The following USP28 variants were observed in gnomAD, a reference collection of about 807,000 sequenced individuals.
The protein encoded by USP28 is ubiquitin specific peptidase 28, also known as ubiquitin carboxyl-terminal hydrolase 28.
In USP28, 113 loss-of-function variants were observed where a neutral mutation model predicts 145.0. The observed-to-expected ratio is 0.78, with a 90% confidence interval of 0.67 to 0.91. The LOEUF (loss-of-function observed/expected upper bound fraction) is 0.91, where lower values mean the gene tolerates loss of function less well. Ranked by LOEUF, USP28 falls within the 40% of genes least tolerant of loss-of-function variation. The probability of loss-of-function intolerance (pLI) is 0.00; values close to 1 mark genes in which losing one functional copy is unlikely to be tolerated. For synonymous variants in USP28, 447 were observed against 450.9 expected (o/e 0.99, Z 0.11); for missense variants, 1,201 against 1,289.6 (o/e 0.93, Z 1.05).
At chr11:113,873,738 T>C (rs1412208306) in intron 1 of USP28, among the ~76,000 whole-genome samples, 1 of 142,274 alleles carries the variant, frequency 7.0e-6, no homozygotes, top group Non-Finnish European at 1.5e-5. Flanking sequence ...TCTTGACACA[T>C]TTCAATAGGC....
At chr11:113,869,175 A>C (rs963731622) in intron 1 of USP28, among the ~76,000 whole-genome samples, 5 of 152,018 alleles carry the variant, frequency 3.3e-5, no homozygotes, top group Non-Finnish European at 5.9e-5. Context: ...GCTCACGCCT[A>C]TAATCCCAGC....
chr11:113,814,004 A>G lies in USP28; in HGVS notation c.1673-49T>C, dbSNP rs1470617610. ...AGCTTCACTAAAATGATCTCATTCT[A>G]TGTCACACAGGCTACTTTAACTAAG... On this transcript the variant is annotated intron_variant, in intron 14 of 24. Transcript: ENST00000003302. The G allele has an allele frequency of 2.1e-6, 3 of 1,403,386 alleles. No individual in the cohort carries two copies. The South Asian group carries it at 3.7e-5, about 17-fold the overall frequency. The allele number at this position is 1,403,386 out of a possible 1,614,324, so 86.9% of individuals were successfully genotyped here. A position where few individuals can be genotyped will look rare whatever the true frequency, so the allele number is the denominator to read the frequency against.
At chr11:113,825,676 A>G (rs1187423543) in intron 11 of USP28, among the ~76,000 whole-genome samples, 11 of 152,270 alleles carry the variant, frequency 7.2e-5, no homozygotes, top group Non-Finnish European at 1.5e-4. Context: ...CAAATTACTT[A>G]TATATGAACA....
At chr11:113,853,962 C>T (rs769415981) in intron 2 of USP28, among the ~76,000 whole-genome samples, 6 of 151,834 alleles carry the variant, frequency 4.0e-5, no homozygotes, top group Non-Finnish European at 8.8e-5. Context: ...TTCAAACTTC[C>T]CTGACTCAAA....
intron 12 of USP28, among the ~76,000 whole-genome samples, chr11:113,818,930 T>G (rs73552957): frequency 0.016 from 2,493 of 151,402 alleles, 65 homozygotes; most frequent in African/African-American, 0.057. Flanking sequence ...TTCATGTTCA[T>G]CTACTGAATT....
intron 8 of USP28, among the ~76,000 whole-genome samples, chr11:113,831,437 T>G (rs1194245542): frequency 6.6e-6 from 1 of 152,194 alleles, no homozygotes; most frequent in African/African-American, 2.4e-5. Flanking sequence ...TTACAATGCT[T>G]CTACCTAGAA....
intron 23 of USP28, among the ~76,000 whole-genome samples, 166 bp downstream of exon 24, chr11:113,802,992 G>A (rs982695253): frequency 6.6e-6 from 1 of 151,952 alleles, no homozygotes; most frequent in Non-Finnish European, 1.5e-5. Context: ...TTCACTAAAA[G>A]TAACTGAAAA....
At chr11:113,873,503 T>C (rs2137273659) in intron 1 of USP28, among the ~76,000 whole-genome samples, 1 of 152,282 alleles carries the variant, frequency 6.6e-6, no homozygotes, top group South Asian at 2.1e-4. Context: ...AATGCTGAAA[T>C]AGGGTCACTA....
At chr11:113,839,254 T>C (rs556381508) in intron 5 of USP28, among the ~76,000 whole-genome samples, 44 of 152,296 alleles carry the variant, frequency 2.9e-4, no homozygotes, top group African/African-American at 8.9e-4. Context: ...GACCATAGCA[T>C]ACACAGGCAC....
intron 1 of USP28, among the ~76,000 whole-genome samples, chr11:113,860,711 C>T (rs1398954390): frequency 2.6e-5 from 4 of 151,452 alleles, no homozygotes; most frequent in African/African-American, 9.7e-5. Flanking sequence ...CCCAGCTACT[C>T]GGGAGGCTGA....
At chr11:113,798,079 T>TG (rs1555040703) in exon 25 of USP28, 3 of 145,436 alleles carry the variant, frequency 2.1e-5, no homozygotes, top group Non-Finnish European at 4.5e-5. Context: ...TTTTTTTTTT[T>TG]TTTTTTTTTT....
intron 1 of USP28, among the ~76,000 whole-genome samples, chr11:113,864,413 C>A (rs1035289712): frequency 6.6e-6 from 1 of 152,072 alleles, no homozygotes; most frequent in African/African-American, 2.4e-5. Context: ...CACATGACTG[C>A]GGAGACTGAG....
At chr11:113,800,031 A>G (rs534516687) in intron 24 of USP28, among the ~76,000 whole-genome samples, 1 of 151,628 alleles carries the variant, frequency 6.6e-6, no homozygotes, top group African/African-American at 2.4e-5. Context: ...TTTGAGACGG[A>G]GTCTCACTCT....
intron 3 of USP28, among the ~76,000 whole-genome samples, chr11:113,846,893 G>A (rs956339760): frequency 6.6e-6 from 1 of 152,126 alleles, no homozygotes; most frequent in Non-Finnish European, 1.5e-5. Flanking sequence ...TACTCGGGAG[G>A]CTGAGGCAGG....
chr11:113,837,373 T>A (rs937519809), intron 5 of USP28, among the ~76,000 whole-genome samples: 1 of 152,168 alleles, frequency 6.6e-6, no homozygotes, highest in Non-Finnish European at 1.5e-5. Context: ...TTCTTGGGCA[T>A]CCCATCTCTA....
At chr11:113,860,945 C>T (rs534702621) in intron 1 of USP28, among the ~76,000 whole-genome samples, 6 of 151,794 alleles carry the variant, frequency 4.0e-5, no homozygotes, top group East Asian at 1.9e-4. Flanking sequence ...AGTGAAACTC[C>T]GTCTCTACTA....
intron 11 of USP28, among the ~76,000 whole-genome samples, chr11:113,826,072 CAG>C (rs770605010): frequency 3.5e-4 from 53 of 151,986 alleles, no homozygotes; most frequent in Non-Finnish European, 6.0e-4. Flanking sequence ...ATCACAAGGT[CAG>C]GGGATTGAGA....
At chr11:113,829,007 T>G in intron 10 of USP28, 190 bp downstream of exon 10, 1 of 767,886 alleles carries the variant, frequency 1.3e-6, no homozygotes, top group Non-Finnish European at 2.2e-6. Context: ...ATTCATAGTT[T>G]TAGTAAAAAT....
At chr11:113,873,292 C>T (rs1203199958) in intron 1 of USP28, among the ~76,000 whole-genome samples, 1 of 152,166 alleles carries the variant, frequency 6.6e-6, no homozygotes, top group Non-Finnish European at 1.5e-5. Context: ...AAGGGGCAAA[C>T]ATTATCAAGC....
Sources: allele counts gnomAD v4.1 joint callset (sites outside exome capture counted in the v4.1 genomes callset), GRCh38; gene constraint gnomAD v4.1.1; transcripts MANE v1.5; gene names NCBI Gene and HGNC (gene_info 2026-07-23, HGNC 2026-07-21).